MARCHF3: variants seen among roughly 807,000 people sequenced by gnomAD.
MARCHF3 encodes the protein membrane associated ring-CH-type finger 3.
In MARCHF3, 13 loss-of-function variants were observed where a neutral mutation model predicts 24.2. The observed-to-expected ratio is 0.54, with a 90% CI of 0.35 to 0.85. The LOEUF (loss-of-function observed/expected upper bound fraction) is 0.85. Among genes scored for constraint, MARCHF3 ranks in the 40% least tolerant of loss-of-function variants. The probability of loss-of-function intolerance (pLI) is 0.01; values close to 1 mark genes in which losing one functional copy is unlikely to be tolerated. For missense variants in MARCHF3, 276 were observed against 325.0 expected, an observed-to-expected ratio of 0.85 and a Z score of 1.16; for synonymous variants, 144 against 137.3, an observed-to-expected ratio of 1.05 and a Z score of -0.34.
intron 4 of MARCHF3, among the ~76,000 whole-genome samples, chr5:126,873,594 G>C (rs182812446): frequency 5.9e-5 from 9 of 152,262 alleles, no homozygotes; most frequent in Admixed American, 3.9e-4. Flanking sequence ...CAGGTGATCC[G>C]CATGTGCATT....
intron 1 of MARCHF3, among the ~76,000 whole-genome samples, chr5:127,001,863 T>G (rs1405372127): frequency 6.6e-6 from 1 of 152,156 alleles, no homozygotes; most frequent in Non-Finnish European, 1.5e-5. Flanking sequence ...TGCAGGAGGA[T>G]GAGGAATAAT....
chr5:126,958,549 C>T (rs1228635711), intron 1 of MARCHF3, among the ~76,000 whole-genome samples: 1 of 152,122 alleles, frequency 6.6e-6, no homozygotes, highest in Non-Finnish European at 1.5e-5. Flanking sequence ...CTAGTTACTT[C>T]TGATCTAATC....
At chr5:126,993,733 C>T (rs945181405) in intron 1 of MARCHF3, among the ~76,000 whole-genome samples, 4 of 152,136 alleles carry the variant, frequency 2.6e-5, no homozygotes, top group Admixed American at 6.6e-5. Flanking sequence ...TTTGGGATGG[C>T]GTCTACATCT....
intron 3 of MARCHF3, among the ~76,000 whole-genome samples, chr5:126,887,800 G>A (rs1382246366): frequency 1.3e-5 from 2 of 152,114 alleles, no homozygotes; most frequent in Non-Finnish European, 2.9e-5. Context: ...CTCATCAGCT[G>A]TACCTTTGCT....
intron 3 of MARCHF3, among the ~76,000 whole-genome samples, chr5:126,897,655 G>A (rs1355228487): frequency 6.6e-6 from 1 of 152,050 alleles, no homozygotes; most frequent in Non-Finnish European, 1.5e-5. Context: ...CAGTGACAGG[G>A]AGAAAGCCAA....
intron 1 of MARCHF3, among the ~76,000 whole-genome samples, chr5:126,955,354 T>C (rs1750404289): frequency 6.6e-6 from 1 of 152,230 alleles, no homozygotes; most frequent in Non-Finnish European, 1.5e-5. Flanking sequence ...TGGGAAATAT[T>C]TGTTGTGGTA....
chr5:126,947,928 A>G, intron 1 of MARCHF3, among the ~76,000 whole-genome samples: 1 of 152,060 alleles, frequency 6.6e-6, no homozygotes, highest in Non-Finnish European at 1.5e-5. Flanking sequence ...TAACCATGAC[A>G]ACTGTACTTG....
intron 1 of MARCHF3, among the ~76,000 whole-genome samples, chr5:126,969,168 T>C (rs977847336): frequency 6.6e-6 from 1 of 152,256 alleles, no homozygotes; most frequent in African/African-American, 2.4e-5. Flanking sequence ...AAAAAACTTA[T>C]GTACTTCTAA....
At position 126,989,200 on chromosome 5, in the gene MARCHF3, G is replaced by A. The variant is rs115984893; in HGVS notation, c.-57+41150C>T. ...AAGCTGAGGTGGGAGGATTGCTTGAGCCTAGGTGTTTAAGCCTGCAGTCGG... is the reference window on the plus strand; with the variant it reads ...AAGCTGAGGTGGGAGGATTGCTTGAACCTAGGTGTTTAAGCCTGCAGTCGG... On this transcript the variant is annotated intron_variant, in intron 1 of 4. Coordinates refer to ENST00000308660, the MANE Select transcript of MARCHF3 (RefSeq NM_178450.5). Among the ~76,000 whole-genome samples the A allele has an allele frequency of 5.9e-3, 890 of 152,088 alleles. 9 individuals are homozygous for A. The highest frequency in any genetic ancestry group is 0.02 in the African/African-American group (849 of 41,498).
chr5:126,923,977 C>T (rs994826065), intron 1 of MARCHF3, among the ~76,000 whole-genome samples: 2 of 151,614 alleles, frequency 1.3e-5, no homozygotes, highest in Non-Finnish European at 2.9e-5. Context: ...TTAGGTATTC[C>T]TAGGAAGTTT....
intron 3 of MARCHF3, among the ~76,000 whole-genome samples, chr5:126,901,341 C>T (rs1241997171): frequency 6.6e-6 from 1 of 152,076 alleles, no homozygotes. Flanking sequence ...GGGGTGTGAA[C>T]ATCTTGATAA....
At chr5:126,938,922 G>A (rs1457688504) in intron 1 of MARCHF3, among the ~76,000 whole-genome samples, 1 of 152,090 alleles carries the variant, frequency 6.6e-6, no homozygotes, top group Admixed American at 6.5e-5. Context: ...ATTTCCTTTT[G>A]CTATTAAAAT....
rs184379683 is a variant in MARCHF3 at position 126,870,853 on chromosome 5, T to A, written c.604-62A>T. The A allele has an allele frequency of 4.4e-6, 7 of 1,591,060 alleles. No homozygotes were observed. In the African/African-American group the frequency reaches 9.4e-5, roughly 21 times the overall value. On this transcript the variant is annotated intron_variant, in intron 4 of 4. Transcript: ENST00000308660. ...CAGGTCAGCAGAAGTGGATAATCAA[T>A]ACAAGAAACAAATATGTCATTTGAA... is the stretch of plus-strand genomic sequence containing the variant.
chr5:126,996,706 G>A (rs773457891), intron 1 of MARCHF3, among the ~76,000 whole-genome samples: 3 of 151,744 alleles, frequency 2.0e-5, no homozygotes, highest in East Asian at 1.9e-4. Flanking sequence ...TAATATTATC[G>A]TTACCGAGAA....
At chr5:126,999,197 A>C (rs956460370) in intron 1 of MARCHF3, among the ~76,000 whole-genome samples, 10 of 152,364 alleles carry the variant, frequency 6.6e-5, no homozygotes, top group East Asian at 1.9e-4. Context: ...AAAATTGCCA[A>C]CTTGCATAAG....
intron 1 of MARCHF3, among the ~76,000 whole-genome samples, chr5:126,976,876 T>C (rs1395875402): frequency 6.6e-6 from 1 of 152,238 alleles, no homozygotes; most frequent in Non-Finnish European, 1.5e-5. Flanking sequence ...CAGTGATGCT[T>C]TCCTGATCTG....
At chr5:127,013,354 C>T (rs776784159) in intron 1 of MARCHF3, among the ~76,000 whole-genome samples, 1 of 152,108 alleles carries the variant, frequency 6.6e-6, no homozygotes, top group Non-Finnish European at 1.5e-5. Flanking sequence ...GAAAAGCTTC[C>T]GTTAAGACAG....
intron 3 of MARCHF3, among the ~76,000 whole-genome samples, chr5:126,892,090 G>C (rs1291428950): frequency 6.6e-6 from 1 of 151,826 alleles, no homozygotes; most frequent in Non-Finnish European, 1.5e-5. Context: ...CTCTCTGTTT[G>C]TCTGTTGCTG....
At chr5:126,889,520 T>C (rs999002202) in intron 3 of MARCHF3, among the ~76,000 whole-genome samples, 1 of 151,908 alleles carries the variant, frequency 6.6e-6, no homozygotes, top group Non-Finnish European at 1.5e-5. Context: ...GGAAATACAA[T>C]GCACACGGAA....
Sources: gnomAD v4.1 joint callset for allele counts (sites outside exome capture counted in the v4.1 genomes callset) on GRCh38, gnomAD v4.1.1 for gene constraint, MANE v1.5 for transcripts, NCBI Gene and HGNC (gene_info 2026-07-23, HGNC 2026-07-21) for gene names.